The following AHCTF1 variants were observed in gnomAD, a reference collection of about 807,000 sequenced individuals.
AHCTF1 encodes the protein protein ELYS.
AHCTF1 carries 24 observed loss-of-function variants against 248.4 expected under a neutral mutation model. That is an observed-to-expected ratio of 0.10 (90% confidence interval 0.07 to 0.14). The LOEUF is 0.14. Among genes scored for constraint, AHCTF1 ranks in the 10% least tolerant of loss-of-function variants. The probability of loss-of-function intolerance (pLI) is 1.00; values close to 1 mark genes in which losing one functional copy is unlikely to be tolerated. For synonymous variants in AHCTF1, 786 were observed against 929.8 expected (o/e 0.85, Z 2.81); for missense variants, 2,206 against 2,636.2 (o/e 0.84, Z 3.57).
rs778132210 is a variant in AHCTF1 at position 246,877,000 on chromosome 1, T to C, written c.2887A>G (p.Asn963Asp). The C allele has an allele frequency of 3.7e-6, 6 of 1,612,016 alleles. No individual in the cohort carries two copies. The South Asian group carries it at 4.4e-5, about 12-fold the overall frequency. ...TTCAGCTTCAAGGCAGGCACATAAT[T>C]GGCACGCTGCAAATGGTGCACTAAA... The part of the protein sequence containing the change: ...FLLVHHLQRA[N>D]YVPALKLNQT... Residue 963 changes from asparagine to aspartate, a missense_variant, in exon 23 of 36, where the codon AAT becomes GAT. Asn to Asp is a conservative substitution (Grantham distance 23). Coordinates refer to ENST00000648844, the MANE Select transcript of AHCTF1 (RefSeq NM_001323342.2).
At chr1:246,921,674 AAG>A (rs1359385672) in intron 1 of AHCTF1, among the ~76,000 whole-genome samples, 1 of 152,192 alleles carries the variant, frequency 6.6e-6, no homozygotes, top group African/African-American at 2.4e-5. Flanking sequence ...ACTACCAAAA[AAG>A]AGAAATGACT....
chr1:246,877,094 A>G lies in AHCTF1; in HGVS notation c.2806-13T>C. The stretch of plus-strand genomic sequence containing the variant: ...TCACTAAACATTCCTAAAAAGAACA[A>G]AATAGATTGTAAACTACCAATTTAT... On this transcript the variant is annotated splice_polypyrimidine_tract_variant and intron_variant, in intron 22 of 35. Coordinates refer to ENST00000648844, the MANE Select transcript of AHCTF1 (RefSeq NM_001323342.2). The G allele has an allele frequency of 6.2e-7, 1 of 1,612,352 alleles. No homozygotes were observed. The highest frequency in any genetic ancestry group is 1.1e-5 in the South Asian group (1 of 90,990).
At chr1:246,871,569 G>C (rs1269376459) in intron 24 of AHCTF1, among the ~76,000 whole-genome samples, 5 of 152,180 alleles carry the variant, frequency 3.3e-5, no homozygotes, top group African/African-American at 9.7e-5. Context: ...ATACAGTGCT[G>C]TCCTCACTTG....
chr1:246,894,815 G>C, intron 13 of AHCTF1, 67 bp from the exon 14 acceptor site: 2 of 1,390,924 alleles, frequency 1.4e-6, no homozygotes. Flanking sequence ...TAAATTGTTG[G>C]TGGAGAAGCA....
chr1:246,921,929 A>G (rs992013052), intron 1 of AHCTF1, among the ~76,000 whole-genome samples: 1 of 152,238 alleles, frequency 6.6e-6, no homozygotes, highest in African/African-American at 2.4e-5. Flanking sequence ...ATATACACAG[A>G]AAAAAATCTA....
intron 21 of AHCTF1, among the ~76,000 whole-genome samples, chr1:246,882,441 A>G (rs1048502375): frequency 6.6e-6 from 1 of 152,128 alleles, no homozygotes; most frequent in African/African-American, 2.4e-5. Context: ...CTTCTAAATC[A>G]TAGATAGGGA....
chr1:246,875,950 G>A (rs1232477396), intron 24 of AHCTF1, 87 bp downstream of exon 24: 2 of 1,304,364 alleles, frequency 1.5e-6, no homozygotes, highest in African/African-American at 1.5e-5. Context: ...AGCGAAAGTA[G>A]CTAAATTTAA....
At chr1:246,856,165 G>T (rs1188568867) in intron 30 of AHCTF1, among the ~76,000 whole-genome samples, 1 of 152,136 alleles carries the variant, frequency 6.6e-6, no homozygotes, top group East Asian at 1.9e-4. Context: ...AGTCTGTCAA[G>T]TATTCTGGAA....
At chr1:246,864,268 A>G in intron 26 of AHCTF1, 152 bp from the exon 27 acceptor site, 1 of 754,300 alleles carries the variant, frequency 1.3e-6, no homozygotes, top group Admixed American at 3.3e-5. Flanking sequence ...GCTACCATGC[A>G]TTCAAAAAGT....
Position 246,888,380 on chromosome 1 carries a change from T to C in AHCTF1, c.2268+14A>G, listed in dbSNP as rs762515808. ...TTGTAGACTCTAAATGATAGCACATTACTGCAAACCTACATGCAGACTAGC... is the reference window on the plus strand; with the variant it reads ...TTGTAGACTCTAAATGATAGCACATCACTGCAAACCTACATGCAGACTAGC... On this transcript the variant is annotated intron_variant, in intron 18 of 35. Coordinates refer to ENST00000648844, the MANE Select transcript of AHCTF1 (RefSeq NM_001323342.2). The C allele has an allele frequency of 6.2e-7, 1 of 1,612,692 alleles. No homozygotes were observed. The highest frequency in any genetic ancestry group is 1.3e-5 in the African/African-American group (1 of 74,876).
At chr1:246,862,803 A>C (rs1190387283) in intron 27 of AHCTF1, among the ~76,000 whole-genome samples, 2 of 152,232 alleles carry the variant, frequency 1.3e-5, no homozygotes, top group African/African-American at 4.8e-5. Context: ...TTTCAGAAAA[A>C]AAATTTCGTC....
At chr1:246,881,530 A>AT (rs1663409005) in intron 21 of AHCTF1, among the ~76,000 whole-genome samples, 1 of 152,080 alleles carries the variant, frequency 6.6e-6, no homozygotes, top group African/African-American at 2.4e-5. Context: ...TACCAAAAAA[A>AT]TTTTTTTTAA....
chr1:246,848,140 A>C (rs1275837760), intron 33 of AHCTF1, among the ~76,000 whole-genome samples: 3 of 152,156 alleles, frequency 2.0e-5, no homozygotes, highest in Non-Finnish European at 4.4e-5. Context: ...CTATAGCTAC[A>C]AATCATTTTT....
chr1:246,904,329 T>C (rs149164047), intron 6 of AHCTF1, among the ~76,000 whole-genome samples: 3,927 of 152,278 alleles, frequency 0.026, 188 homozygotes, highest in African/African-American at 0.089. Context: ...CCTCAATGGT[T>C]ATACTCTACT....
Position 246,846,397 on chromosome 1 carries a change from T to C in AHCTF1, c.6392-2469A>G, listed in dbSNP as rs529572167. On this transcript the variant is annotated intron_variant, in intron 33 of 35. Transcript: ENST00000648844. ...AGGAAGCTATGTCCTAGAGTGGTCA[T>C]TGCTTTGTTAAAGGAGTGAATACTC... 3.9e-5 allele frequency among the ~76,000 whole-genome samples: 6 copies of C among 152,066 alleles called. No individual in the cohort carries two copies. In the South Asian group the frequency reaches 8.3e-4, roughly 21 times the overall value.
intron 33 of AHCTF1, among the ~76,000 whole-genome samples, chr1:246,845,286 C>T (rs960547120): frequency 1.2e-4 from 17 of 143,058 alleles, no homozygotes; most frequent in South Asian, 7.0e-4. Context: ...AAAATGTTTT[C>T]TGTGGGTACA....
At chr1:246,885,725 C>T (rs1179609576) in intron 20 of AHCTF1, 45 bp from the exon 21 acceptor site, 1 of 1,509,950 alleles carries the variant, frequency 6.6e-7, no homozygotes, top group African/African-American at 1.4e-5. Context: ...TAATCCTATA[C>T]ATTTAGACAA....
intron 33 of AHCTF1, among the ~76,000 whole-genome samples, chr1:246,847,877 TAA>T (rs1363841703): frequency 6.6e-6 from 1 of 152,162 alleles, no homozygotes; most frequent in African/African-American, 2.4e-5. Flanking sequence ...GAGGAGTGTA[TAA>T]GTTATGTGAA....
At chr1:246,843,739 GT>G in intron 34 of AHCTF1, 55 bp downstream of exon 34, 1 of 1,033,586 alleles carries the variant, frequency 9.7e-7, no homozygotes, top group Non-Finnish European at 1.2e-6. Flanking sequence ...TAAAACATTT[GT>G]AAAAAAAAAA....
Sources: gnomAD v4.1 joint callset for allele counts (sites outside exome capture counted in the v4.1 genomes callset) on GRCh38, gnomAD v4.1.1 for gene constraint, MANE v1.5 for transcripts, NCBI Gene and HGNC (gene_info 2026-07-23, HGNC 2026-07-21) for gene names.